SMAD9: variants seen among roughly 807,000 people sequenced by gnomAD.
The protein encoded by SMAD9 is MAD homolog 9.
SMAD9 carries 36 observed loss-of-function variants against 46.1 expected under a neutral mutation model. The observed-to-expected ratio is 0.78, with a 90% CI of 0.60 to 1.03. The LOEUF (loss-of-function observed/expected upper bound fraction) is 1.03. SMAD9 is among the 50% of genes least tolerant of loss of function. SMAD9 has a pLI of 0.00. For missense variants in SMAD9, 572 were observed against 599.8 expected (o/e 0.95, Z 0.48); for synonymous variants, 245 against 237.1 (o/e 1.03, Z -0.31).
intron 1 of SMAD9, among the ~76,000 whole-genome samples, chr13:36,915,751 C>G (rs1473162731): frequency 6.6e-6 from 1 of 152,184 alleles, no homozygotes; most frequent in Non-Finnish European, 1.5e-5. Flanking sequence ...TAAAGTGTTA[C>G]AACCGTGTGC....
chr13:36,920,424 A>G (rs1224535510), upstream of SMAD9, among the ~76,000 whole-genome samples: 1 of 151,148 alleles, frequency 6.6e-6, no homozygotes, highest in Non-Finnish European at 1.5e-5. Flanking sequence ...GTGCGCGGAA[A>G]CTCGCGGCGC....
chr13:36,848,894 C>A, intron 6 of SMAD9, 75 bp from the exon 7 acceptor site: 1 of 1,499,590 alleles, frequency 6.7e-7, no homozygotes. Flanking sequence ...CAGAGCTCAG[C>A]GGGGCACAGA....
intron 5 of SMAD9, among the ~76,000 whole-genome samples, chr13:36,863,648 A>C (rs1277594083): frequency 6.6e-6 from 1 of 152,064 alleles, no homozygotes; most frequent in African/African-American, 2.4e-5. Context: ...TGAGGTAATG[A>C]GTGGATTCTC....
intron 1 of SMAD9, among the ~76,000 whole-genome samples, chr13:36,896,415 G>A (rs552061362): frequency 1.3e-5 from 2 of 152,116 alleles, no homozygotes; most frequent in Admixed American, 6.5e-5. Flanking sequence ...TTACAGGTGC[G>A]AGACACCAGA....
rs889386667 is a variant in SMAD9 at position 36,848,431 on chromosome 13, T to C, written c.*245A>G. The C allele has an allele frequency of 7.4e-6, 4 of 538,306 alleles. No homozygotes were observed. The highest frequency in any genetic ancestry group is 1.3e-5 in the Non-Finnish European group (4 of 300,126). 33.3% of individuals were successfully genotyped at this position (538,306 alleles called of 1,614,324 possible). A position where few individuals can be genotyped will look rare whatever the true frequency, so the allele number is the denominator to read the frequency against. On this transcript the variant is annotated 3_prime_UTR_variant, in exon 7 of 7. Transcript: ENST00000379826. ...ACTGTTGACAATATCGCCTCTCAAG[T>C]GTTTCCTCCCACAAAATCTGCTGCT...
intron 6 of SMAD9, among the ~76,000 whole-genome samples, chr13:36,851,169 C>T (rs2058071761): frequency 6.6e-6 from 1 of 152,208 alleles, no homozygotes; most frequent in South Asian, 2.1e-4. Context: ...ACAGTCACCG[C>T]TGAACTCGTA....
intron 5 of SMAD9, among the ~76,000 whole-genome samples, chr13:36,856,252 C>T (rs2058123474): frequency 6.6e-6 from 1 of 152,166 alleles, no homozygotes; most frequent in Non-Finnish European, 1.5e-5. Context: ...AGTGGAGCTG[C>T]TAAGGATTTA....
At chr13:36,919,557 G>T (rs1271378788) in intron 1 of SMAD9, among the ~76,000 whole-genome samples, 1 of 152,040 alleles carries the variant, frequency 6.6e-6, no homozygotes, top group South Asian at 2.1e-4. Flanking sequence ...GTTTAAAAGT[G>T]GCCCCCAAAG....
chr13:36,904,293 G>T (rs1319835556), intron 1 of SMAD9, among the ~76,000 whole-genome samples: 2 of 152,198 alleles, frequency 1.3e-5, no homozygotes, highest in Non-Finnish European at 2.9e-5. Flanking sequence ...AGTTAGATAT[G>T]CGACTCTTGA....
At chr13:36,897,827 A>G (rs115251742) in intron 1 of SMAD9, among the ~76,000 whole-genome samples, 4 of 151,126 alleles carry the variant, frequency 2.6e-5, no homozygotes, top group African/African-American at 9.7e-5. Flanking sequence ...AAACATTCCA[A>G]GGTAACAGAA....
chr13:36,886,601 T>C (rs1342252966), intron 1 of SMAD9, among the ~76,000 whole-genome samples: 2 of 152,256 alleles, frequency 1.3e-5, no homozygotes, highest in Non-Finnish European at 2.9e-5. Context: ...TGTCAGGCCC[T>C]GCCCAGTGGG....
rs376391610 is a variant in SMAD9 at position 36,879,262 on chromosome 13, C to T, written c.412+16G>A. ...TCACTCTGAAAATAAACCTTGACGT[C>T]GTAAAGACGACCCACCTGGAGTCTC... On this transcript the variant is annotated intron_variant, in intron 2 of 6. Transcript: ENST00000379826. 1.9e-6 allele frequency: 3 copies of T among 1,612,320 alleles called. No homozygotes were observed. Among genetic ancestry groups the T allele is most frequent in the Non-Finnish European group, 2.5e-6 (3 of 1,178,714 alleles).
At chr13:36,901,892 T>C (rs2058579514) in intron 1 of SMAD9, among the ~76,000 whole-genome samples, 1 of 152,258 alleles carries the variant, frequency 6.6e-6, no homozygotes, top group Non-Finnish European at 1.5e-5. Flanking sequence ...TCCTTACATA[T>C]TGTGGATATA....
At chr13:36,878,114 G>T (rs998557547) in intron 2 of SMAD9, among the ~76,000 whole-genome samples, 1 of 151,758 alleles carries the variant, frequency 6.6e-6, no homozygotes. Context: ...CAAACACCAG[G>T]CTTCTCCAAG....
At chr13:36,916,090 T>C (rs1240656656) in intron 1 of SMAD9, among the ~76,000 whole-genome samples, 1 of 152,240 alleles carries the variant, frequency 6.6e-6, no homozygotes, top group Non-Finnish European at 1.5e-5. Context: ...CCTTTACACA[T>C]CCAACGTGAA....
chr13:36,888,451 T>A (rs1160914998), intron 1 of SMAD9, among the ~76,000 whole-genome samples: 5 of 152,220 alleles, frequency 3.3e-5, no homozygotes, highest in Admixed American at 2.0e-4. Flanking sequence ...CCTCTTTTGT[T>A]TATAAAGTAC....
At chr13:36,864,218 C>T (rs2058210168) in intron 5 of SMAD9, among the ~76,000 whole-genome samples, 1 of 152,226 alleles carries the variant, frequency 6.6e-6, no homozygotes, top group African/African-American at 2.4e-5. Context: ...TATTTTCCCC[C>T]TTTGGGATAA....
intron 1 of SMAD9, among the ~76,000 whole-genome samples, chr13:36,902,735 C>G (rs1227490637): frequency 6.6e-6 from 1 of 152,120 alleles, no homozygotes; most frequent in African/African-American, 2.4e-5. Flanking sequence ...GGATTACAGG[C>G]GTGAGCCACC....
Position 36,853,633 on chromosome 13 carries a change from C to CAT in SMAD9, c.1045_1046insAT (p.Cys349TyrfsTer3). 1 of 1,614,136 alleles carries CAT rather than the reference C, an allele frequency of 6.2e-7. No individual in the cohort carries two copies. ...CACAAAGATGCTGCTGTCACTCACG[C>CAT]ACTCGGCATACACCTCTCCCCCGAC... On this transcript the variant is annotated frameshift_variant, in exon 6 of 7. Transcript: ENST00000379826. LOFTEE classifies it high-confidence loss of function.
Sources: gnomAD v4.1 joint callset for allele counts (sites outside exome capture counted in the v4.1 genomes callset) on GRCh38, gnomAD v4.1.1 for gene constraint, MANE v1.5 for transcripts, NCBI Gene and HGNC (gene_info 2026-07-23, HGNC 2026-07-21) for gene names.